CCDC148: variants seen among roughly 807,000 people sequenced by gnomAD.
CCDC148 encodes coiled-coil domain-containing protein 148.
In CCDC148, 89 loss-of-function variants were observed where a neutral mutation model predicts 85.7. The ratio of observed to expected loss-of-function variants is 1.04; its 90% CI spans 0.87 to 1.24. The LOEUF is 1.24. CCDC148 is among the 50% of genes most tolerant of loss of function. The probability of loss-of-function intolerance (pLI) is 0.00; values close to 1 mark genes in which losing one functional copy is unlikely to be tolerated. For synonymous variants in CCDC148, 230 were observed against 213.9 expected, an observed-to-expected ratio of 1.08 and a Z score of -0.66; for missense variants, 692 against 671.7, an observed-to-expected ratio of 1.03 and a Z score of -0.33.
chr2:158,314,943 C>T (rs1423502617), intron 7 of CCDC148, among the ~76,000 whole-genome samples: 1 of 152,200 alleles, frequency 6.6e-6, no homozygotes, highest in African/African-American at 2.4e-5. Flanking sequence ...AAATCAGTGA[C>T]ACTGATGGGA....
intron 2 of CCDC148, among the ~76,000 whole-genome samples, chr2:158,355,429 C>T (rs1249293167): frequency 1.3e-5 from 2 of 152,140 alleles, no homozygotes; most frequent in African/African-American, 2.4e-5. Context: ...TTCTTATATA[C>T]CAGCAACAGA....
At chr2:158,175,728 C>A (rs1037919297) in intron 13 of CCDC148, among the ~76,000 whole-genome samples, 1 of 152,028 alleles carries the variant, frequency 6.6e-6, no homozygotes, top group Non-Finnish European at 1.5e-5. Flanking sequence ...GTATGCCGCA[C>A]AAAGTAGAGA....
chr2:158,211,016 C>T (rs1008171972), intron 11 of CCDC148, among the ~76,000 whole-genome samples: 2 of 148,550 alleles, frequency 1.3e-5, no homozygotes, highest in African/African-American at 5.0e-5. Context: ...AGGGGAACAT[C>T]ACACACCAGG....
intron 1 of CCDC148, among the ~76,000 whole-genome samples, chr2:158,362,264 G>A (rs923229585): frequency 1.6e-4 from 24 of 151,724 alleles, no homozygotes; most frequent in African/African-American, 7.3e-5. Context: ...TTAGAACAAC[G>A]AGAAAGAAAA....
intron 9 of CCDC148, among the ~76,000 whole-genome samples, chr2:158,307,299 A>C (rs1691739410): frequency 6.6e-6 from 1 of 152,202 alleles, no homozygotes; most frequent in Non-Finnish European, 1.5e-5. Context: ...AGGATACCCA[A>C]ATGGCTAATA....
At chr2:158,179,129 A>T in intron 11 of CCDC148, 133 bp from the exon 12 acceptor site, 1 of 569,722 alleles carries the variant, frequency 1.8e-6, no homozygotes, top group Non-Finnish European at 3.1e-6. Context: ...CTGATTTCTC[A>T]AGTCCAAATC....
intron 11 of CCDC148, among the ~76,000 whole-genome samples, chr2:158,183,748 A>T (rs1372491094): frequency 6.6e-6 from 1 of 152,182 alleles, no homozygotes; most frequent in Non-Finnish European, 1.5e-5. Context: ...CATGTGGCTT[A>T]GTCAATATGC....
intron 8 of CCDC148, among the ~76,000 whole-genome samples, chr2:158,311,396 G>C (rs1473842208): frequency 6.6e-6 from 1 of 152,158 alleles, no homozygotes; most frequent in Non-Finnish European, 1.5e-5. Flanking sequence ...AGGCAGGGAA[G>C]TTGCAGTGAG....
chr2:158,432,398 A>G (rs1190844884), intron 1 of CCDC148, among the ~76,000 whole-genome samples: 2 of 152,218 alleles, frequency 1.3e-5, no homozygotes, highest in South Asian at 2.1e-4. Context: ...AATACAAACA[A>G]AAGTATGGGT....
intron 1 of CCDC148, among the ~76,000 whole-genome samples, chr2:158,362,081 G>C (rs750673978): frequency 2.0e-4 from 31 of 151,458 alleles, no homozygotes; most frequent in Non-Finnish European, 3.4e-4. Flanking sequence ...AAGAGACAAG[G>C]TCATTACATA....
chr2:158,243,821 T>A (rs994456724), intron 10 of CCDC148, among the ~76,000 whole-genome samples: 2 of 152,134 alleles, frequency 1.3e-5, no homozygotes, highest in Non-Finnish European at 2.9e-5. Flanking sequence ...TTCACTTAAA[T>A]TTCTTCCTTC....
chr2:158,328,356 T>A (rs1328221573), intron 7 of CCDC148, among the ~76,000 whole-genome samples: 1 of 152,230 alleles, frequency 6.6e-6, no homozygotes. Context: ...TCATTTTTTA[T>A]GGCTGCATAG....
chr2:158,310,827 T>G (rs1331438236), intron 8 of CCDC148, among the ~76,000 whole-genome samples: 1 of 140,750 alleles, frequency 7.1e-6, no homozygotes, highest in African/African-American at 2.8e-5. Context: ...CGCTCCTCAC[T>G]TCCTAGATGG....
At chr2:158,391,068 G>T (rs1430871280) in intron 1 of CCDC148, among the ~76,000 whole-genome samples, 3 of 152,130 alleles carry the variant, frequency 2.0e-5, no homozygotes, top group Non-Finnish European at 2.9e-5. Flanking sequence ...CAAAATATTT[G>T]TTGTATTCTT....
In CCDC148 at chr2:158,439,207, CA is replaced by C. The variant is rs200962047; in HGVS notation, c.25+17207del. 6.2e-4 allele frequency among the ~76,000 whole-genome samples: 95 copies of C among 152,262 alleles called. 4 individuals are homozygous for C. The East Asian group carries it at 0.016, about 25-fold the overall frequency. ...TTTATTGTGGCACTATTCACAATAGCAAAGGCTTGGTACCAACCCAAATGTC... is the reference window on the plus strand; with the variant it reads ...TTTATTGTGGCACTATTCACAATAGCAAGGCTTGGTACCAACCCAAATGTC... On this transcript the variant is annotated intron_variant, in intron 1 of 13. Transcript: ENST00000283233.
At chr2:158,340,129 G>A in intron 5 of CCDC148, 113 bp downstream of exon 5, 1 of 729,856 alleles carries the variant, frequency 1.4e-6, no homozygotes, top group East Asian at 2.8e-5. Flanking sequence ...TATTATTTAT[G>A]TATTAATATT....
chr2:158,373,108 A>AC (rs1684517156), intron 1 of CCDC148, among the ~76,000 whole-genome samples: 1 of 152,080 alleles, frequency 6.6e-6, no homozygotes, highest in South Asian at 2.1e-4. Flanking sequence ...CCTCATTAGA[A>AC]GGAGGCAGGA....
chr2:158,177,926 C>A (rs758503195), intron 12 of CCDC148: 7 of 152,012 alleles, frequency 4.6e-5, no homozygotes, highest in Non-Finnish European at 1.0e-4. Flanking sequence ...ATATTGCCCA[C>A]GTCATAAAGT....
At chr2:158,382,404 C>T (rs1266544947) in intron 1 of CCDC148, among the ~76,000 whole-genome samples, 3 of 152,010 alleles carry the variant, frequency 2.0e-5, no homozygotes, top group Non-Finnish European at 2.9e-5. Flanking sequence ...AATACTAGTG[C>T]CGACTTATGT....
Sources: gnomAD v4.1 joint callset for allele counts (sites outside exome capture counted in the v4.1 genomes callset) on GRCh38, gnomAD v4.1.1 for gene constraint, MANE v1.5 for transcripts, NCBI Gene and HGNC (gene_info 2026-07-23, HGNC 2026-07-21) for gene names.